Variants in DDAH1 observed in about 807,000 individuals in gnomAD.
The protein encoded by DDAH1 is dimethylarginine dimethylaminohydrolase 1, also known as N(G),N(G)-dimethylarginine dimethylaminohydrolase 1.
Under a neutral mutation model 28.8 loss-of-function variants are expected in DDAH1, and 19 were observed. The ratio of observed to expected loss-of-function variants is 0.66; its 90% CI spans 0.46 to 0.97. The LOEUF (loss-of-function observed/expected upper bound fraction) is 0.97, where lower values mean the gene tolerates loss of function less well. Among genes scored for constraint, DDAH1 ranks in the 50% least tolerant of loss-of-function variants. The pLI is 0.00. For missense variants in DDAH1, 326 were observed against 375.9 expected, an observed-to-expected ratio of 0.87 and a Z score of 1.10; for synonymous variants, 153 against 154.4, an observed-to-expected ratio of 0.99 and a Z score of 0.07.
Position 85,509,163 on chromosome 1 carries a change from GCTGTT to G in DDAH1, c.-122-12887_-122-12883del, listed in dbSNP as rs369411789. On this transcript the variant is annotated intron_variant, in intron 1 of 6. Coordinates refer to the DDAH1 transcript ENST00000426972. ...CAATATTTGCTGTTCTGCAATATTTGCTGTTCTGCAGCCTATGCTGGTGATACCCA... is the reference window on the plus strand; with the variant it reads ...CAATATTTGCTGTTCTGCAATATTTGCTGCAGCCTATGCTGGTGATACCCA... Among the ~76,000 whole-genome samples, 723 of 152,318 alleles carry G rather than the reference GCTGTT, an allele frequency of 4.7e-3. 4 individuals are homozygous for G. Among genetic ancestry groups the G allele is most frequent in the African/African-American group, 0.017 (691 of 41,574 alleles).
At chr1:85,413,312 C>A (rs1012999675) in intron 1 of DDAH1, among the ~76,000 whole-genome samples, 1 of 152,224 alleles carries the variant, frequency 6.6e-6, no homozygotes, top group African/African-American at 2.4e-5. Flanking sequence ...TGCTGATACA[C>A]TGAAGAGCCA....
chr1:85,368,154 C>T (rs1028035238), intron 1 of DDAH1, among the ~76,000 whole-genome samples: 1 of 152,120 alleles, frequency 6.6e-6, no homozygotes, highest in East Asian at 1.9e-4. Flanking sequence ...AGTAGATTGT[C>T]AAACTAAAAG....
chr1:85,554,652 C>T (rs1658908589), intron 1 of DDAH1, among the ~76,000 whole-genome samples: 1 of 152,184 alleles, frequency 6.6e-6, no homozygotes, highest in South Asian at 2.1e-4. Flanking sequence ...CACACAGATT[C>T]AGCGTTAAAA....
At chr1:85,545,104 T>C (rs947694244) in intron 1 of DDAH1, among the ~76,000 whole-genome samples, 4 of 152,154 alleles carry the variant, frequency 2.6e-5, no homozygotes, top group Non-Finnish European at 4.4e-5. Flanking sequence ...ATTCCTCAGC[T>C]TCATTCAGCA....
At chr1:85,499,017 A>G (rs1656699677) in intron 1 of DDAH1, among the ~76,000 whole-genome samples, 1 of 152,152 alleles carries the variant, frequency 6.6e-6, no homozygotes, top group African/African-American at 2.4e-5. Context: ...ACAAAACAAA[A>G]CAAATAGATG....
At chr1:85,417,870 A>C (rs796527272) in intron 1 of DDAH1, among the ~76,000 whole-genome samples, 1 of 152,266 alleles carries the variant, frequency 6.6e-6, no homozygotes, top group African/African-American at 2.4e-5. Flanking sequence ...TTCATTGTCA[A>C]GCTGAGATCC....
chr1:85,536,964 TA>T, intron 1 of DDAH1, among the ~76,000 whole-genome samples: 1 of 73,106 alleles, frequency 1.4e-5, no homozygotes, highest in Non-Finnish European at 2.8e-5. Context: ...TATATATATA[TA>T]TATATATATA....
At chr1:85,435,013 T>A (rs1653869791) in intron 1 of DDAH1, among the ~76,000 whole-genome samples, 1 of 152,212 alleles carries the variant, frequency 6.6e-6, no homozygotes, top group Admixed American at 6.5e-5. Flanking sequence ...TAAGTTTTAC[T>A]ATTTTCCTTG....
intron 1 of DDAH1, among the ~76,000 whole-genome samples, chr1:85,366,397 C>T (rs1176713159): frequency 6.6e-6 from 1 of 151,968 alleles, no homozygotes; most frequent in African/African-American, 2.4e-5. Context: ...TCATTTTTTC[C>T]CATTGATTTC....
chr1:85,531,874 A>G (rs1168938042), intron 1 of DDAH1, among the ~76,000 whole-genome samples: 1 of 150,504 alleles, frequency 6.6e-6, no homozygotes, highest in Non-Finnish European at 1.5e-5. Context: ...GCTTAAAGTC[A>G]CACACAGCTA....
Position 85,415,005 on chromosome 1 carries a change from C to CTTTTTTTT in DDAH1, c.303+49730_303+49737dup, listed in dbSNP as rs71727580. 1.7e-3 allele frequency among the ~76,000 whole-genome samples: 100 copies of CTTTTTTTT among 57,608 alleles called. 9 individuals are homozygous for CTTTTTTTT. Among genetic ancestry groups the CTTTTTTTT allele is most frequent in the African/African-American group, 6.2e-3 (97 of 15,682 alleles). 37.8% of individuals were successfully genotyped at this position (57,608 alleles called of 152,430 possible). Reference sequence around the variant, plus strand: ...CGAAAATCAAATATTTCAAGTGTTGCTTTTTTTTTTTTTTTTTTTTTTTTT... The same window carrying CTTTTTTTT: ...CGAAAATCAAATATTTCAAGTGTTGCTTTTTTTTTTTTTTTTTTTTTTTTTTTTTTTTT... On this transcript the variant is annotated intron_variant, in intron 1 of 5. Transcript: ENST00000284031.
At chr1:85,381,115 G>A (rs537353950) in intron 1 of DDAH1, among the ~76,000 whole-genome samples, 32 of 151,564 alleles carry the variant, frequency 2.1e-4, no homozygotes, top group African/African-American at 7.7e-4. Context: ...GTGGGCGCCT[G>A]TAATCCCAGC....
chr1:85,376,892 C>T (rs771639879), intron 1 of DDAH1: 11 of 151,068 alleles, frequency 7.3e-5, no homozygotes, highest in African/African-American at 2.2e-4. Context: ...AGCCCCAATA[C>T]AAAAAGCTGC....
At chr1:85,350,328 C>T in intron 4 of DDAH1, 87 bp downstream of exon 4, 1 of 1,529,242 alleles carries the variant, frequency 6.5e-7, no homozygotes, top group Non-Finnish European at 8.8e-7. Context: ...GCCAACCCTG[C>T]TTGTTACTCC....
chr1:85,411,331 G>A (rs954611684), intron 1 of DDAH1, among the ~76,000 whole-genome samples: 3 of 152,108 alleles, frequency 2.0e-5, no homozygotes, highest in Non-Finnish European at 4.4e-5. Flanking sequence ...AAAAACAAAC[G>A]ACAAGTGTTA....
chr1:85,472,314 C>A (rs1341892518), intron 2 of DDAH1, among the ~76,000 whole-genome samples: 1 of 152,174 alleles, frequency 6.6e-6, no homozygotes, highest in East Asian at 1.9e-4. Flanking sequence ...TAGATCATAC[C>A]TTTTTGGTGC....
chr1:85,478,270 C>G (rs898226061), intron 2 of DDAH1, among the ~76,000 whole-genome samples: 2 of 152,192 alleles, frequency 1.3e-5, no homozygotes, highest in Non-Finnish European at 2.9e-5. Flanking sequence ...AGTTTCCACT[C>G]TAACTTGCTT....
intron 1 of DDAH1, among the ~76,000 whole-genome samples, chr1:85,545,324 T>C (rs991684149): frequency 6.6e-6 from 1 of 152,206 alleles, no homozygotes; most frequent in African/African-American, 2.4e-5. Flanking sequence ...AAAGAAAATA[T>C]CAGACACATG....
intron 1 of DDAH1, among the ~76,000 whole-genome samples, chr1:85,420,898 G>T (rs976353508): frequency 1.2e-4 from 19 of 152,322 alleles, no homozygotes; most frequent in African/African-American, 4.3e-4. Flanking sequence ...AAGAAAAGAG[G>T]TTTAATTGGC....
Sources: gnomAD v4.1 joint callset for allele counts (sites outside exome capture counted in the v4.1 genomes callset) on GRCh38, gnomAD v4.1.1 for gene constraint, MANE v1.5 for transcripts, NCBI Gene and HGNC (gene_info 2026-07-23, HGNC 2026-07-21) for gene names.